The following CPB1 variants were observed in gnomAD, a reference collection of about 807,000 sequenced individuals.
CPB1 encodes the protein carboxypeptidase B1.
In CPB1, 53 loss-of-function variants were observed where a neutral mutation model predicts 51.4. The observed-to-expected ratio is 1.03, with a 90% confidence interval of 0.83 to 1.30. The LOEUF is 1.30. CPB1 is among the 50% of genes most tolerant of loss of function. The probability of loss-of-function intolerance (pLI) is 0.00; values close to 1 mark genes in which losing one functional copy is unlikely to be tolerated. For synonymous variants in CPB1, 189 were observed against 186.9 expected (o/e 1.01, Z -0.09); for missense variants, 494 against 516.2 (o/e 0.96, Z 0.42).
At chr3:148,830,571 T>C (rs540246411) in intron 2 of CPB1, among the ~76,000 whole-genome samples, 9 of 152,350 alleles carry the variant, frequency 5.9e-5, no homozygotes, top group African/African-American at 2.2e-4. Context: ...GTTACTACTA[T>C]CATTAGGTCT....
intron 8 of CPB1, 103 bp from the exon 9 acceptor site, chr3:148,845,307 TTAAGGACTCCTTGA>T: frequency 1.3e-6 from 1 of 756,466 alleles, no homozygotes; most frequent in South Asian, 1.7e-5. Flanking sequence ...AGGGACAACT[TTAAGGACTCCTTGA>T]TAAGGACTCC....
At chr3:148,833,805 C>T (rs1420544321) in intron 2 of CPB1, among the ~76,000 whole-genome samples, 2 of 151,668 alleles carry the variant, frequency 1.3e-5, no homozygotes, top group Admixed American at 1.3e-4. Context: ...AAGACAAAGG[C>T]CATGTTTGAT....
chr3:148,852,826 C>T (rs527737266), intron 9 of CPB1, among the ~76,000 whole-genome samples: 12 of 152,306 alleles, frequency 7.9e-5, no homozygotes, highest in African/African-American at 2.9e-4. Flanking sequence ...CCACACTCCC[C>T]GTGGGCTCTG....
chr3:148,857,688 T>TAAAAA, intron 10 of CPB1, 147 bp downstream of exon 10: 1 of 287,068 alleles, frequency 3.5e-6, no homozygotes. Flanking sequence ...AGTTTTCTGT[T>TAAAAA]CAAAAAAAAA....
At chr3:148,840,072 T>C (rs1225555247) in intron 3 of CPB1, among the ~76,000 whole-genome samples, 2 of 152,208 alleles carry the variant, frequency 1.3e-5, no homozygotes, top group Non-Finnish European at 2.9e-5. Flanking sequence ...GAACTATTAT[T>C]AGATTACTTA....
intron 2 of CPB1, among the ~76,000 whole-genome samples, chr3:148,830,237 G>C (rs11717064): frequency 6.6e-6 from 1 of 151,976 alleles, no homozygotes; most frequent in African/African-American, 2.4e-5. Flanking sequence ...CCCTCTACTC[G>C]CCAGTGAGCC....
At chr3:148,842,009 C>A in intron 6 of CPB1, 85 bp downstream of exon 6, 5 of 1,054,782 alleles carry the variant, frequency 4.7e-6, no homozygotes, top group Non-Finnish European at 5.6e-6. Context: ...AGAATAATAA[C>A]ACAGAAAAAA....
At chr3:148,833,717 C>T (rs1712807956) in intron 2 of CPB1, among the ~76,000 whole-genome samples, 1 of 149,928 alleles carries the variant, frequency 6.7e-6, no homozygotes, top group African/African-American at 2.5e-5. Flanking sequence ...AAAGGTGTTA[C>T]TTAAAACCAC....
intron 6 of CPB1, among the ~76,000 whole-genome samples, chr3:148,842,471 G>A (rs1377120415): frequency 6.6e-5 from 10 of 152,134 alleles, no homozygotes; most frequent in Admixed American, 6.5e-4. Context: ...TAAGATGAAT[G>A]TAAAGGCCTT....
At chr3:148,853,970 G>A (rs1259809937) in intron 9 of CPB1, among the ~76,000 whole-genome samples, 1 of 152,180 alleles carries the variant, frequency 6.6e-6, no homozygotes, top group African/African-American at 2.4e-5. Context: ...AATGTAAGAT[G>A]TCCCTCAAAA....
Position 148,844,748 on chromosome 3 carries a change from T to G in CPB1, c.759T>G (p.Asn253Lys). ...SSCIGTDPNRNFDAGWCEIGA... is the reference protein window; with the variant it reads ...SSCIGTDPNRKFDAGWCEIGA... Reference sequence around the variant, plus strand: ...GCATTGGCACAGACCCCAACAGAAATTTTGATGCTGGTTGGTGTGGTAAGT... The same window carrying G: ...GCATTGGCACAGACCCCAACAGAAAGTTTGATGCTGGTTGGTGTGGTAAGT... Residue 253 changes from asparagine (N) to lysine (K), a missense_variant, in exon 8 of 11, where the codon AAT becomes AAG. Physicochemically the swap from Asn to Lys is moderately conservative, Grantham distance 94. Coordinates refer to ENST00000282957, the MANE Select transcript of CPB1 (RefSeq NM_001871.3). The G allele has an allele frequency of 6.2e-7, 1 of 1,613,934 alleles. No individual in the cohort carries two copies. Among genetic ancestry groups the G allele is most frequent in the Non-Finnish European group, 8.5e-7 (1 of 1,179,826 alleles).
At chr3:148,831,000 A>G (rs1362789753) in intron 2 of CPB1, among the ~76,000 whole-genome samples, 10 of 152,196 alleles carry the variant, frequency 6.6e-5, no homozygotes, top group Non-Finnish European at 1.3e-4. Flanking sequence ...CAGTCTTTGT[A>G]TTCATCCTTG....
intron 9 of CPB1, chr3:148,850,946 C>G (rs892421490): frequency 2.6e-5 from 4 of 152,180 alleles, no homozygotes; most frequent in Admixed American, 1.3e-4. Context: ...ATTTAATAAA[C>G]TAGTCATTTA....
intron 9 of CPB1, chr3:148,857,142 G>A (rs1713605296): frequency 6.1e-6 from 1 of 164,752 alleles, no homozygotes; most frequent in South Asian, 2.0e-4. Flanking sequence ...CCTGCAAACA[G>A]GTAAACAACT....
chr3:148,830,683 A>C (rs928224294), intron 2 of CPB1, among the ~76,000 whole-genome samples: 4 of 152,168 alleles, frequency 2.6e-5, no homozygotes, highest in African/African-American at 9.7e-5. Flanking sequence ...ATTTCTGTTT[A>C]AATCATAACA....
rs532955677 is a variant in CPB1 at position 148,840,736 on chromosome 3, G to A, written c.323G>A (p.Arg108Gln). 50 of 1,614,100 alleles carry A rather than the reference G, an allele frequency of 3.1e-5. No individual in the cohort carries two copies. Among genetic ancestry groups the A allele is most frequent in the Middle Eastern group, 1.6e-4 (1 of 6,062 alleles). The change falls in exon 4 of 11, where the codon CGG becomes CAG. Residue 108 changes from arginine (R) to glutamine (Q), a missense_variant. Arg to Gln is a conservative substitution (Grantham distance 43, BLOSUM62 1). Coordinates refer to ENST00000282957, the MANE Select transcript of CPB1 (RefSeq NM_001871.3). ...RNVVEAQFDS[R>Q]VRATGHSYEK... Reference sequence around the variant, plus strand: ...GTGGTGGAGGCTCAGTTTGATAGCCGGGTTCGTGCAACAGGACACAGTTAT... The same window carrying A: ...GTGGTGGAGGCTCAGTTTGATAGCCAGGTTCGTGCAACAGGACACAGTTAT...
At chr3:148,847,081 G>A (rs952334611) in intron 9 of CPB1, among the ~76,000 whole-genome samples, 4 of 149,954 alleles carry the variant, frequency 2.7e-5, no homozygotes, top group Admixed American at 6.7e-5. Flanking sequence ...ATACTAATGA[G>A]TTAATTAAAA....
Position 148,834,610 on chromosome 3 carries a change from A to T in CPB1, c.260A>T (p.Glu87Val). 1.9e-6 allele frequency: 3 copies of T among 1,610,200 alleles called. No homozygotes were observed. The highest frequency in any genetic ancestry group is 1.3e-5 in the African/African-American group (1 of 75,000). ...VTVENVLKQN[E>V]LQYKVLISNL... ...GTGGAGAATGTTCTAAAGCAGAATG[A>T]ACTACAATACAAGTAAGTTTATGTT... Residue 87 changes from glutamate to valine, a missense_variant, in exon 3 of 11, where the codon GAA (glutamate) becomes GTA (valine). Coordinates refer to ENST00000282957, the MANE Select transcript of CPB1 (RefSeq NM_001871.3).
chr3:148,852,650 C>G (rs933252659), intron 9 of CPB1, among the ~76,000 whole-genome samples: 2 of 152,236 alleles, frequency 1.3e-5, no homozygotes, highest in Admixed American at 1.3e-4. Context: ...AGAAACTCCA[C>G]TTCCACCAGA....
Sources: gnomAD v4.1 joint callset for allele counts (sites outside exome capture counted in the v4.1 genomes callset) on GRCh38, gnomAD v4.1.1 for gene constraint, MANE v1.5 for transcripts, NCBI Gene and HGNC (gene_info 2026-07-23, HGNC 2026-07-21) for gene names.